PDZRN3: variants seen among roughly 807,000 people sequenced by gnomAD.
The protein encoded by PDZRN3 is E3 ubiquitin-protein ligase PDZRN3.
A neutral mutation model predicts 85.7 loss-of-function variants in PDZRN3; 38 were observed. The observed-to-expected ratio is 0.44, with a 90% CI of 0.34 to 0.58. The LOEUF is 0.58. PDZRN3 is among the 20% of genes least tolerant of loss of function. The probability of loss-of-function intolerance (pLI) is 0.01; values close to 1 mark genes in which losing one functional copy is unlikely to be tolerated. For synonymous variants in PDZRN3, 759 were observed against 638.0 expected (o/e 1.19, Z -2.86); for missense variants, 1,629 against 1,506.4 (o/e 1.08, Z -1.35).
chr3:73,439,185 C>G lies in PDZRN3; in HGVS notation c.919-34790G>C, dbSNP rs114684556. Among the ~76,000 whole-genome samples, 661 of 152,324 alleles carry G rather than the reference C, an allele frequency of 4.3e-3. 4 individuals are homozygous for G. Among genetic ancestry groups the G allele is most frequent in the African/African-American group, 0.015 (627 of 41,574 alleles). ...AGCGGTATATGCCCACCAACTTCCT[C>G]CTCTGATGTTCCATAAATATCTGAT... On this transcript the variant is annotated intron_variant, in intron 3 of 9. Coordinates refer to ENST00000263666, the MANE Select transcript of PDZRN3 (RefSeq NM_015009.3).
chr3:73,573,289 C>A (rs116110403), intron 3 of PDZRN3, among the ~76,000 whole-genome samples: 1 of 152,174 alleles, frequency 6.6e-6, no homozygotes, highest in Non-Finnish European at 1.5e-5. Flanking sequence ...GTTCTTGTTA[C>A]AGACTGTAGC....
At chr3:73,526,833 G>A (rs1412151850) in intron 3 of PDZRN3, among the ~76,000 whole-genome samples, 3 of 152,094 alleles carry the variant, frequency 2.0e-5, no homozygotes, top group Admixed American at 6.5e-5. Flanking sequence ...GACTATAGGC[G>A]TCTGCCACCA....
Position 73,617,763 on chromosome 3 carries a change from C to T in PDZRN3, c.723+6340G>A, listed in dbSNP as rs574398873. ...TTGCCCAGGCTGGAGTGCACTGGCA[C>T]GATCTGGTCTTGGCTCGCAGCAACC... On this transcript the variant is annotated intron_variant, in intron 1 of 9. Transcript: ENST00000263666. Among the ~76,000 whole-genome samples, 11 of 152,210 alleles carry T rather than the reference C, an allele frequency of 7.2e-5. No homozygotes were observed. In the East Asian group the frequency reaches 9.7e-4, roughly 13 times the overall value.
rs113839697 is a variant in PDZRN3 at position 73,479,438 on chromosome 3, C to T, written c.919-75043G>A. Among the ~76,000 whole-genome samples, 775 of 151,956 alleles carry T rather than the reference C, an allele frequency of 5.1e-3. 8 individuals carry two copies. Among genetic ancestry groups the T allele is most frequent in the African/African-American group, 0.018 (740 of 41,426 alleles). ...TTTTCACTGTTATTTCATTGCTTGG[C>T]CACATTCAATAACTCTCCAGGAATA... is the stretch of plus-strand genomic sequence containing the variant. On this transcript the variant is annotated intron_variant, in intron 3 of 9. Transcript: ENST00000263666.
chr3:73,562,500 A>G (rs1235289135), intron 3 of PDZRN3, among the ~76,000 whole-genome samples: 1 of 152,186 alleles, frequency 6.6e-6, no homozygotes, highest in African/African-American at 2.4e-5. Context: ...CTACACACAA[A>G]GTATATCATT....
At chr3:73,599,218 T>C (rs1275064119) in intron 3 of PDZRN3, among the ~76,000 whole-genome samples, 1 of 152,172 alleles carries the variant, frequency 6.6e-6, no homozygotes, top group African/African-American at 2.4e-5. Context: ...ACTGGGTGAA[T>C]GAATGGACAA....
chr3:73,536,559 C>T (rs1288389011), intron 3 of PDZRN3, among the ~76,000 whole-genome samples: 1 of 152,234 alleles, frequency 6.6e-6, no homozygotes, highest in Non-Finnish European at 1.5e-5. Flanking sequence ...CTGCCCCTTC[C>T]CAAAGATTTC....
intron 3 of PDZRN3, among the ~76,000 whole-genome samples, chr3:73,458,066 T>C (rs1477715151): frequency 6.6e-6 from 1 of 152,174 alleles, no homozygotes; most frequent in Non-Finnish European, 1.5e-5. Context: ...GAGACCGAGG[T>C]TCTGTTACCA....
chr3:73,548,597 T>C (rs1701483399), intron 3 of PDZRN3, among the ~76,000 whole-genome samples: 1 of 152,230 alleles, frequency 6.6e-6, no homozygotes, highest in African/African-American at 2.4e-5. Context: ...TTGGTAATCT[T>C]GGCCTCTGCC....
chr3:73,575,266 C>A (rs574160353), intron 3 of PDZRN3, among the ~76,000 whole-genome samples: 1 of 152,260 alleles, frequency 6.6e-6, no homozygotes, highest in South Asian at 2.1e-4. Context: ...CAGTTCACGT[C>A]GGTGCCTGGA....
chr3:73,433,610 CT>C (rs375445369), intron 3 of PDZRN3: 40 of 1,466,618 alleles, frequency 2.7e-5, no homozygotes, highest in African/African-American at 7.0e-5. Context: ...TGCCTATGCA[CT>C]TCTATGGAAT....
At chr3:73,432,270 G>T (rs979667071) in intron 3 of PDZRN3, among the ~76,000 whole-genome samples, 1 of 152,098 alleles carries the variant, frequency 6.6e-6, no homozygotes, top group African/African-American at 2.4e-5. Context: ...AAGGGATGGG[G>T]GCCAGATCGC....
intron 3 of PDZRN3, among the ~76,000 whole-genome samples, chr3:73,416,956 A>G (rs945170501): frequency 3.0e-5 from 4 of 135,514 alleles, no homozygotes; most frequent in African/African-American, 5.9e-5. Flanking sequence ...CAGTGGTACA[A>G]TCTTGGCTCA....
intron 3 of PDZRN3, among the ~76,000 whole-genome samples, chr3:73,469,069 AG>A (rs1318843666): frequency 6.6e-6 from 1 of 151,978 alleles, no homozygotes; most frequent in Non-Finnish European, 1.5e-5. Flanking sequence ...CAAGAAAAAA[AG>A]ATTCATCTTT....
chr3:73,428,051 G>A (rs1216558097), intron 3 of PDZRN3, among the ~76,000 whole-genome samples: 3 of 152,168 alleles, frequency 2.0e-5, no homozygotes, highest in African/African-American at 7.2e-5. Context: ...GTCTTGAGAA[G>A]GAAGGAATAA....
intron 4 of PDZRN3, among the ~76,000 whole-genome samples, chr3:73,403,198 G>A (rs566916202): frequency 3.3e-5 from 5 of 152,062 alleles, no homozygotes; most frequent in Admixed American, 2.0e-4. Flanking sequence ...CACCTGCCTC[G>A]GCCTCCCGAA....
intron 3 of PDZRN3, among the ~76,000 whole-genome samples, chr3:73,541,400 T>C (rs1012505630): frequency 4.6e-5 from 7 of 152,242 alleles, no homozygotes; most frequent in African/African-American, 1.4e-4. Flanking sequence ...TCTTGATACA[T>C]ATTAATTCAT....
chr3:73,453,557 T>C (rs1702917517), intron 3 of PDZRN3, among the ~76,000 whole-genome samples: 1 of 151,626 alleles, frequency 6.6e-6, no homozygotes, highest in African/African-American at 2.4e-5. Flanking sequence ...GGTACAATAA[T>C]TTCAATATAT....
rs200106134 is a variant in PDZRN3, at chr3:73,383,560, A to G, written c.3006T>C (p.Cys1002=). The G allele has an allele frequency of 4.3e-6, 7 of 1,614,030 alleles. No homozygotes were observed. The highest frequency in any genetic ancestry group is 2.2e-5 in the East Asian group (1 of 44,862). ...REFMMQSRLD[C]LKEQQAADDR... is the part of the protein sequence containing the mutation. Reference sequence around the variant, plus strand: ...CATCGGCTGCTTGCTGCTCCTTGAGACAATCCAACCTGCTCTGCATCATGA... The same window carrying G: ...CATCGGCTGCTTGCTGCTCCTTGAGGCAATCCAACCTGCTCTGCATCATGA... The change falls in exon 10 of 10, where the codon TGT becomes TGC. Residue 1002 remains cysteine, a synonymous_variant. Coordinates refer to ENST00000263666, the MANE Select transcript of PDZRN3 (RefSeq NM_015009.3).
Sources: allele counts gnomAD v4.1 joint callset (sites outside exome capture counted in the v4.1 genomes callset), GRCh38; gene constraint gnomAD v4.1.1; transcripts MANE v1.5; gene names NCBI Gene and HGNC (gene_info 2026-07-23, HGNC 2026-07-21).